Variants in SGPP2 observed in about 807,000 individuals in gnomAD.
SGPP2 encodes the protein sphingosine-1-phosphate phosphatase 2.
SGPP2 carries 30 observed loss-of-function variants against 33.9 expected under a neutral mutation model. The ratio of observed to expected loss-of-function variants is 0.89; its 90% CI spans 0.66 to 1.20. The LOEUF is 1.20. Ranked by LOEUF, SGPP2 falls within the 50% of genes most tolerant of loss-of-function variation. SGPP2 has a pLI of 0.00. For synonymous variants in SGPP2, 233 were observed against 225.0 expected (o/e 1.04, Z -0.32); for missense variants, 458 against 532.1 (o/e 0.86, Z 1.37).
intron 1 of SGPP2, among the ~76,000 whole-genome samples, chr2:222,440,102 G>A (rs79759201): frequency 1.2e-3 from 186 of 152,220 alleles, no homozygotes; most frequent in African/African-American, 3.6e-3. Flanking sequence ...TTTACTACAG[G>A]CATTATTTGT....
rs370181414 is a variant in SGPP2 at position 222,453,275 on chromosome 2, G to A, written c.220-21293G>A. On this transcript the variant is annotated intron_variant, in intron 1 of 4. Transcript: ENST00000321276. ...TGCTTTGAAGCCAGGCAGGTTTGGG[G>A]ACAAGCTGGATTCACACTCATGTTA... 2,192 of 752,884 alleles carry A rather than the reference G, an allele frequency of 2.9e-3. 22 individuals carry two copies. Among genetic ancestry groups the A allele is most frequent in the South Asian group, 0.013 (947 of 72,870 alleles). 46.6% of individuals were successfully genotyped at this position (752,884 alleles called of 1,614,324 possible). A position where few individuals can be genotyped will look rare whatever the true frequency, so the allele number is the denominator to read the frequency against.
At chr2:222,548,348 A>G (rs967767386) in intron 4 of SGPP2, among the ~76,000 whole-genome samples, 3 of 152,238 alleles carry the variant, frequency 2.0e-5, no homozygotes, top group Admixed American at 6.5e-5. Flanking sequence ...GCAGGTTTAA[A>G]TATGCTCACT....
chr2:222,439,515 G>A (rs2106065131), intron 1 of SGPP2, among the ~76,000 whole-genome samples: 1 of 152,130 alleles, frequency 6.6e-6, no homozygotes, highest in East Asian at 1.9e-4. Context: ...CTGGGCAACA[G>A]AGCAAAACTC....
intron 4 of SGPP2, among the ~76,000 whole-genome samples, chr2:222,552,993 T>C (rs1170279954): frequency 6.6e-6 from 1 of 152,234 alleles, no homozygotes; most frequent in Non-Finnish European, 1.5e-5. Flanking sequence ...TAACTCAATG[T>C]CTGCTACGTG....
intron 2 of SGPP2, among the ~76,000 whole-genome samples, chr2:222,490,100 C>T (rs183619898): frequency 2.3e-3 from 347 of 152,152 alleles, no homozygotes; most frequent in South Asian, 0.022. Flanking sequence ...TGTGTCTAGC[C>T]CTTGTGGATG....
chr2:222,502,872 C>T (rs1053971494), intron 2 of SGPP2, among the ~76,000 whole-genome samples: 3 of 152,138 alleles, frequency 2.0e-5, no homozygotes, highest in Non-Finnish European at 2.9e-5. Flanking sequence ...ACATTTACAC[C>T]GTGTACGAAA....
chr2:222,461,977 T>C (rs1465173370), intron 1 of SGPP2, among the ~76,000 whole-genome samples: 1 of 152,134 alleles, frequency 6.6e-6, no homozygotes, highest in Non-Finnish European at 1.5e-5. Flanking sequence ...GTGAAATGGG[T>C]TAGGGGACTG....
intron 1 of SGPP2, among the ~76,000 whole-genome samples, chr2:222,469,642 AC>A: frequency 6.6e-6 from 1 of 152,150 alleles, no homozygotes; most frequent in Non-Finnish European, 1.5e-5. Context: ...ATTCTATTTT[AC>A]CTACCATTTC....
At chr2:222,544,251 A>G (rs1357375593) in intron 4 of SGPP2, among the ~76,000 whole-genome samples, 2 of 152,344 alleles carry the variant, frequency 1.3e-5, no homozygotes, top group East Asian at 3.9e-4. Context: ...CAGGCTGACT[A>G]CAGAATGCAT....
At chr2:222,523,185 C>T (rs1335145555) in intron 3 of SGPP2, among the ~76,000 whole-genome samples, 1 of 152,232 alleles carries the variant, frequency 6.6e-6, no homozygotes, top group East Asian at 1.9e-4. Flanking sequence ...TCTACCTGGT[C>T]ATCTGGGTTT....
intron 4 of SGPP2, among the ~76,000 whole-genome samples, chr2:222,532,836 T>G (rs1006138517): frequency 1.3e-5 from 2 of 152,114 alleles, no homozygotes; most frequent in Non-Finnish European, 2.9e-5. Context: ...AATTGGCCTT[T>G]GAGAGAAATC....
At chr2:222,506,116 C>T (rs1228722179) in intron 2 of SGPP2, among the ~76,000 whole-genome samples, 1 of 152,134 alleles carries the variant, frequency 6.6e-6, no homozygotes, top group Non-Finnish European at 1.5e-5. Context: ...AATTTCATAG[C>T]TACCTCTTGT....
chr2:222,558,444 T>G lies in SGPP2; in HGVS notation c.746T>G (p.Phe249Cys), dbSNP rs772812272. ...IDCLDSASPLFPVCVIVVPFF... is the reference protein window; with the variant it reads ...IDCLDSASPLCPVCVIVVPFF... ...TGCCTGGACTCGGCCAGCCCCCTCTTCCCCGTGTGTGTCATAGTTGTGCCA... is the reference window on the plus strand; with the variant it reads ...TGCCTGGACTCGGCCAGCCCCCTCTGCCCCGTGTGTGTCATAGTTGTGCCA... The change falls in exon 5 of 5, where the codon TTC becomes TGC. Residue 249 changes from phenylalanine (F) to cysteine (C), a missense_variant. By Grantham distance (205) the Phe-to-Cys change is radical. Coordinates refer to ENST00000321276, the MANE Select transcript of SGPP2 (RefSeq NM_152386.4). The G allele has an allele frequency of 6.8e-6, 11 of 1,613,984 alleles. No individual in the cohort carries two copies. Among genetic ancestry groups the G allele is most frequent in the Non-Finnish European group, 9.3e-6 (11 of 1,180,032 alleles).
At chr2:222,448,341 T>C (rs1697427525) in intron 1 of SGPP2, among the ~76,000 whole-genome samples, 1 of 152,176 alleles carries the variant, frequency 6.6e-6, no homozygotes, top group South Asian at 2.1e-4. Flanking sequence ...TACCCCACCA[T>C]GCCATGAGCC....
At chr2:222,438,608 A>C (rs940086071) in intron 1 of SGPP2, among the ~76,000 whole-genome samples, 1 of 152,184 alleles carries the variant, frequency 6.6e-6, no homozygotes, top group Non-Finnish European at 1.5e-5. Flanking sequence ...GAGATGTGTT[A>C]ATTTGCTCAA....
intron 4 of SGPP2, among the ~76,000 whole-genome samples, chr2:222,535,962 CTT>C (rs1409404332): frequency 6.6e-6 from 1 of 152,210 alleles, no homozygotes; most frequent in Non-Finnish European, 1.5e-5. Flanking sequence ...AATGCATCCA[CTT>C]TTCCCAAATA....
intron 2 of SGPP2, among the ~76,000 whole-genome samples, chr2:222,486,853 GT>G (rs764837684): frequency 3.3e-5 from 5 of 151,920 alleles, no homozygotes; most frequent in Non-Finnish European, 5.9e-5. Context: ...TTTTTTGTCT[GT>G]ATTAAACATG....
At chr2:222,490,493 A>C (rs566874948) in intron 2 of SGPP2, among the ~76,000 whole-genome samples, 1 of 152,300 alleles carries the variant, frequency 6.6e-6, no homozygotes, top group East Asian at 1.9e-4. Context: ...CAGTGGTGCA[A>C]TCACAGGTCA....
intron 1 of SGPP2, among the ~76,000 whole-genome samples, chr2:222,455,662 T>C (rs1559148651): frequency 6.6e-6 from 1 of 152,230 alleles, no homozygotes; most frequent in South Asian, 2.1e-4. Flanking sequence ...CTCTGTACAA[T>C]ACCTGACAAG....
Sources: gnomAD v4.1 joint callset for allele counts (sites outside exome capture counted in the v4.1 genomes callset) on GRCh38, gnomAD v4.1.1 for gene constraint, MANE v1.5 for transcripts, NCBI Gene and HGNC (gene_info 2026-07-23, HGNC 2026-07-21) for gene names.